Variants in CCSER1 observed in about 807,000 individuals in gnomAD.
CCSER1 encodes coiled-coil serine rich protein 1, also known as serine-rich coiled-coil domain-containing protein 1.
In CCSER1, 41 loss-of-function variants were observed where a neutral mutation model predicts 82.0. The ratio of observed to expected loss-of-function variants is 0.50; its 90% CI spans 0.39 to 0.65. CCSER1 has a LOEUF of 0.65. CCSER1 is among the 30% of genes least tolerant of loss of function. The pLI is 0.00. For synonymous variants in CCSER1, 414 were observed against 383.9 expected (o/e 1.08, Z -0.92); for missense variants, 1,119 against 1,064.2 (o/e 1.05, Z -0.72).
chr4:91,572,875 T>TC (rs35151104), intron 10 of CCSER1, among the ~76,000 whole-genome samples: 10,576 of 150,962 alleles, frequency 0.07, 405 homozygotes, highest in Middle Eastern at 0.1. Flanking sequence ...TACTTAGGCA[T>TC]CCCTCCACCC....
intron 4 of CCSER1, among the ~76,000 whole-genome samples, chr4:90,432,622 T>G (rs2153567444): frequency 6.6e-6 from 1 of 152,096 alleles, no homozygotes; most frequent in South Asian, 2.1e-4. Flanking sequence ...TTTCTTTATT[T>G]TCTTTTCTTC....
intron 10 of CCSER1, among the ~76,000 whole-genome samples, chr4:91,279,324 G>A (rs893051456): frequency 6.6e-6 from 1 of 152,106 alleles, no homozygotes; most frequent in Non-Finnish European, 1.5e-5. Flanking sequence ...ATTTCAATAA[G>A]TGTGTTTTGT....
intron 10 of CCSER1, among the ~76,000 whole-genome samples, chr4:91,182,478 A>C (rs1734134402): frequency 6.6e-6 from 1 of 152,208 alleles, no homozygotes; most frequent in Admixed American, 6.5e-5. Context: ...ATTCAGTTGC[A>C]TCTGCGGTCT....
chr4:91,407,594 T>C (rs1165238426), intron 10 of CCSER1, among the ~76,000 whole-genome samples: 1 of 152,298 alleles, frequency 6.6e-6, no homozygotes, highest in East Asian at 1.9e-4. Context: ...GTACAGGCTA[T>C]ACAAGAAGCA....
intron 5 of CCSER1, among the ~76,000 whole-genome samples, chr4:90,533,492 T>C (rs1404552874): frequency 6.6e-6 from 1 of 152,236 alleles, no homozygotes; most frequent in Non-Finnish European, 1.5e-5. Flanking sequence ...CCTGAATGCC[T>C]TCTGCTCTCT....
intron 5 of CCSER1, among the ~76,000 whole-genome samples, chr4:90,534,274 C>T (rs1307576281): frequency 1.3e-5 from 2 of 152,078 alleles, no homozygotes; most frequent in Non-Finnish European, 2.9e-5. Context: ...GGACTACAGG[C>T]GCCCGCCACC....
In CCSER1 at chr4:90,485,367, G is replaced by A. The variant is rs548436205; in HGVS notation, c.1724+17013G>A. Among the ~76,000 whole-genome samples the A allele has an allele frequency of 1.9e-4, 29 of 152,212 alleles. 2 individuals are homozygous for A. Among genetic ancestry groups the A allele is most frequent in the South Asian group, 4.1e-4 (2 of 4,822 alleles). On this transcript the variant is annotated intron_variant, in intron 5 of 10. Transcript: ENST00000509176. ...CTCTGCTTCGGTTCACGCACGGTGC[G>A]CTGCACCCACTGTCCTGCACCCACT...
chr4:91,505,116 A>G (rs1411373915), intron 10 of CCSER1, among the ~76,000 whole-genome samples: 1 of 152,056 alleles, frequency 6.6e-6, no homozygotes, highest in African/African-American at 2.4e-5. Flanking sequence ...GACAGGCCCC[A>G]GTGTGTGGTG....
chr4:91,086,104 A>T (rs1178261166), intron 10 of CCSER1, 110 bp downstream of exon 10: 2 of 700,516 alleles, frequency 2.9e-6, no homozygotes, highest in Non-Finnish European at 2.5e-6. Flanking sequence ...GGAAATGGAG[A>T]TGCATTGAAG....
Position 91,347,776 on chromosome 4 carries a change from A to G in CCSER1, c.2218-250796A>G, listed in dbSNP as rs535570604. Reference sequence around the variant, plus strand: ...TTTCCATTTCAAATTCCAATTTTTCATGGCTAGTATTAAGAAAAAAATTGA... The same window carrying G: ...TTTCCATTTCAAATTCCAATTTTTCGTGGCTAGTATTAAGAAAAAAATTGA... On this transcript the variant is annotated intron_variant, in intron 10 of 10. Transcript: ENST00000509176. Among the ~76,000 whole-genome samples, 251 of 151,858 alleles carry G rather than the reference A, an allele frequency of 1.7e-3. 1 individual carries two copies. The highest frequency in any genetic ancestry group is 5.8e-3 in the African/African-American group (239 of 41,486).
At chr4:91,095,586 C>G (rs1724427926) in intron 10 of CCSER1, among the ~76,000 whole-genome samples, 1 of 152,140 alleles carries the variant, frequency 6.6e-6, no homozygotes, top group Admixed American at 6.5e-5. Flanking sequence ...ATCTTCCATG[C>G]TTTGGCTAAC....
At chr4:90,571,023 A>G (rs1292544423) in intron 5 of CCSER1, among the ~76,000 whole-genome samples, 3 of 152,206 alleles carry the variant, frequency 2.0e-5, no homozygotes, top group South Asian at 2.1e-4. Context: ...AATCAAAACC[A>G]CAATGAGATA....
chr4:90,523,171 C>A (rs1773343985), intron 5 of CCSER1, among the ~76,000 whole-genome samples: 1 of 152,004 alleles, frequency 6.6e-6, no homozygotes, highest in South Asian at 2.1e-4. Flanking sequence ...AGAATTTACT[C>A]AATAATTCTT....
At chr4:90,310,484 A>G (rs1343834595) in intron 2 of CCSER1, among the ~76,000 whole-genome samples, 3 of 152,130 alleles carry the variant, frequency 2.0e-5, no homozygotes, top group African/African-American at 2.4e-5. Context: ...TATACTTTAT[A>G]TACATTAATT....
intron 10 of CCSER1, among the ~76,000 whole-genome samples, chr4:91,261,817 T>G (rs1373480999): frequency 6.6e-6 from 1 of 152,204 alleles, no homozygotes; most frequent in Admixed American, 6.5e-5. Context: ...TTAAAATTAT[T>G]AAGCAGCAAA....
chr4:90,873,047 G>C (rs1020653204), intron 8 of CCSER1, among the ~76,000 whole-genome samples: 2 of 151,834 alleles, frequency 1.3e-5, no homozygotes, highest in African/African-American at 4.8e-5. Context: ...AAATATCTTA[G>C]GTAGTCTTAT....
At chr4:91,125,708 G>A (rs1366638315) in intron 10 of CCSER1, among the ~76,000 whole-genome samples, 1 of 151,512 alleles carries the variant, frequency 6.6e-6, no homozygotes, top group Non-Finnish European at 1.5e-5. Flanking sequence ...CTTGAAAATA[G>A]ATATGAAGTA....
chr4:90,285,198 G>C (rs1274592367), intron 1 of CCSER1, among the ~76,000 whole-genome samples: 2 of 151,850 alleles, frequency 1.3e-5, no homozygotes, highest in Admixed American at 6.6e-5. Context: ...TTGGTGTTTT[G>C]ATACAGATTG....
chr4:91,003,566 G>A (rs958948827), intron 9 of CCSER1, among the ~76,000 whole-genome samples: 1 of 152,112 alleles, frequency 6.6e-6, no homozygotes. Flanking sequence ...CACTCCCACT[G>A]TGCCCCCTCC....
Sources: gnomAD v4.1 joint callset for allele counts (sites outside exome capture counted in the v4.1 genomes callset) on GRCh38, gnomAD v4.1.1 for gene constraint, MANE v1.5 for transcripts, NCBI Gene and HGNC (gene_info 2026-07-23, HGNC 2026-07-21) for gene names.